Variants in STK4 observed in about 807,000 individuals in gnomAD.
STK4 encodes serine/threonine kinase 4.
Under a neutral mutation model 64.9 loss-of-function variants are expected in STK4, and 30 were observed. The observed-to-expected ratio is 0.46, with a 90% CI of 0.35 to 0.63. STK4 has a LOEUF of 0.63. Among genes scored for constraint, STK4 ranks in the 20% least tolerant of loss-of-function variants. The pLI is 0.01. For synonymous variants in STK4, 177 were observed against 199.0 expected (o/e 0.89, Z 0.93); for missense variants, 466 against 598.5 (o/e 0.78, Z 2.31).
At chr20:45,039,129 T>A (rs972858393) in intron 10 of STK4, among the ~76,000 whole-genome samples, 1 of 152,124 alleles carries the variant, frequency 6.6e-6, no homozygotes, top group Non-Finnish European at 1.5e-5. Flanking sequence ...TTAGTTGCAA[T>A]GTAGAATATA....
chr20:45,034,284 T>C (rs2068492377), intron 10 of STK4, among the ~76,000 whole-genome samples: 1 of 151,810 alleles, frequency 6.6e-6, no homozygotes, highest in South Asian at 2.1e-4. Flanking sequence ...CAGCAAGATA[T>C]TTGAAAGGAC....
intron 2 of STK4, among the ~76,000 whole-genome samples, chr20:44,977,086 T>C (rs532011814): frequency 5.9e-5 from 9 of 152,322 alleles, no homozygotes; most frequent in African/African-American, 2.2e-4. Flanking sequence ...TACCATGGTA[T>C]ATCTCCTGGG....
chr20:45,053,002 C>T, intron 10 of STK4: 1 of 1,051,968 alleles, frequency 9.5e-7, no homozygotes, highest in East Asian at 2.4e-5. Flanking sequence ...CTTATTTTTC[C>T]TGTAAAGCTT....
At chr20:45,070,762 C>T (rs1284494296) in intron 10 of STK4, among the ~76,000 whole-genome samples, 2 of 152,038 alleles carry the variant, frequency 1.3e-5, no homozygotes, top group Non-Finnish European at 1.5e-5. Flanking sequence ...GTGGCAGGCG[C>T]CTGTAATCCC....
At chr20:44,970,114 G>T (rs1271924637) in intron 1 of STK4, among the ~76,000 whole-genome samples, 1 of 151,880 alleles carries the variant, frequency 6.6e-6, no homozygotes, top group Non-Finnish European at 1.5e-5. Context: ...AGATGTATTC[G>T]AGCCGTCATA....
chr20:45,051,230 C>G (rs1739803710), intron 10 of STK4, among the ~76,000 whole-genome samples: 1 of 152,088 alleles, frequency 6.6e-6, no homozygotes, highest in Admixed American at 6.5e-5. Flanking sequence ...TTTTGCCAAG[C>G]AAAATTGATT....
At chr20:45,050,169 C>G (rs2068755628) in intron 10 of STK4, among the ~76,000 whole-genome samples, 1 of 152,148 alleles carries the variant, frequency 6.6e-6, no homozygotes, top group Admixed American at 6.5e-5. Context: ...ACACATCTCA[C>G]TCTGGGGGTG....
intron 3 of STK4, among the ~76,000 whole-genome samples, chr20:44,978,833 C>G (rs1203917470): frequency 1.4e-5 from 2 of 141,988 alleles, no homozygotes; most frequent in Admixed American, 1.5e-4. Flanking sequence ...AAGTCTCGCT[C>G]TGTCGCCCAG....
intron 10 of STK4, among the ~76,000 whole-genome samples, chr20:45,073,527 G>A (rs1218845281): frequency 6.6e-6 from 1 of 152,076 alleles, no homozygotes; most frequent in East Asian, 1.9e-4. Flanking sequence ...CTTTCCTGTG[G>A]AGACCTCAGG....
chr20:45,052,745 A>G (rs1280693509), intron 10 of STK4, among the ~76,000 whole-genome samples: 3 of 152,158 alleles, frequency 2.0e-5, no homozygotes, highest in African/African-American at 7.2e-5. Context: ...GACAATCTCC[A>G]TGCTCTGCTT....
intron 10 of STK4, among the ~76,000 whole-genome samples, chr20:45,063,077 C>T (rs1236140369): frequency 1.6e-5 from 2 of 128,648 alleles, no homozygotes; most frequent in Non-Finnish European, 3.1e-5. Flanking sequence ...GATCATGGCT[C>T]ACTGCAGCCT....
intron 10 of STK4, among the ~76,000 whole-genome samples, chr20:45,029,651 C>G (rs561813341): frequency 6.6e-6 from 1 of 152,150 alleles, no homozygotes; most frequent in Non-Finnish European, 1.5e-5. Context: ...GTTAGCATCA[C>G]CTAGAGACTG....
At position 45,034,669 on chromosome 20, in the gene STK4, TGGGAGGTTAAGGC is replaced by T. The variant is rs138074229; in HGVS notation, c.1305+9546_1305+9558del. 8.6e-3 allele frequency among the ~76,000 whole-genome samples: 1,303 copies of T among 152,126 alleles called. 16 individuals are homozygous for T. The highest frequency in any genetic ancestry group is 0.03 in the African/African-American group (1,251 of 41,496). ...GGTTCACCCTGTAATCCCAGCACTT[TGGGAGGTTAAGGC>T]GGGAGGATCACTTGAACCCAGGAAT... On this transcript the variant is annotated intron_variant, in intron 10 of 10. Coordinates refer to ENST00000372806, the MANE Select transcript of STK4 (RefSeq NM_006282.5).
chr20:45,069,775 ATTTC>A (rs1389373521), intron 10 of STK4, among the ~76,000 whole-genome samples: 1 of 152,216 alleles, frequency 6.6e-6, no homozygotes, highest in East Asian at 1.9e-4. Flanking sequence ...TAATTTATTC[ATTTC>A]TTCAACCAGT....
chr20:45,002,277 G>A (rs1423826011), intron 9 of STK4, among the ~76,000 whole-genome samples: 2 of 152,176 alleles, frequency 1.3e-5, no homozygotes, highest in East Asian at 1.9e-4. Flanking sequence ...TAGGGAAATT[G>A]TGCCCATTTT....
chr20:45,036,316 A>G (rs532686065), intron 10 of STK4, among the ~76,000 whole-genome samples: 4 of 152,302 alleles, frequency 2.6e-5, no homozygotes, highest in Non-Finnish European at 5.9e-5. Context: ...TCTGAGTAAC[A>G]TGATGCAATC....
At chr20:45,067,641 T>C (rs1304165536) in intron 10 of STK4, among the ~76,000 whole-genome samples, 2 of 152,240 alleles carry the variant, frequency 1.3e-5, no homozygotes, top group African/African-American at 4.8e-5. Context: ...GATGGGCTAA[T>C]TGTCAGTGTA....
rs45561731 is a variant in STK4, at chr20:44,972,415, C to A, written c.116+257C>A. On this transcript the variant is annotated intron_variant, in intron 2 of 10. Coordinates refer to ENST00000372806, the MANE Select transcript of STK4 (RefSeq NM_006282.5). ...ATGATTTTATCTACTTAACAGATAG[C>A]ACTAATTAGATTAAAATTCTATAAG... The A allele has an allele frequency of 7.8e-3, 2,376 of 303,878 alleles. 51 individuals carry two copies. Among genetic ancestry groups the A allele is most frequent in the African/African-American group, 0.046 (2,147 of 46,252 alleles). The allele number at this position is 303,878 out of a possible 1,614,324, so 18.8% of individuals were successfully genotyped here.
intron 10 of STK4, among the ~76,000 whole-genome samples, chr20:45,074,592 T>C (rs1188980801): frequency 6.6e-6 from 1 of 151,640 alleles, no homozygotes; most frequent in African/African-American, 2.4e-5. Context: ...ATCCTGAAAG[T>C]GGGAAAGGCG....
Sources: allele counts gnomAD v4.1 joint callset (sites outside exome capture counted in the v4.1 genomes callset), GRCh38; gene constraint gnomAD v4.1.1; transcripts MANE v1.5; gene names NCBI Gene and HGNC (gene_info 2026-07-23, HGNC 2026-07-21).